Variants in KIF5A observed in about 807,000 individuals in gnomAD.
KIF5A encodes kinesin heavy chain isoform 5A.
A neutral mutation model predicts 141.3 loss-of-function variants in KIF5A; 35 were observed. The ratio of observed to expected loss-of-function variants is 0.25; its 90% CI spans 0.19 to 0.33. The LOEUF (loss-of-function observed/expected upper bound fraction) is 0.33. Ranked by LOEUF, KIF5A falls within the 10% of genes least tolerant of loss-of-function variation. The pLI, the probability that KIF5A is intolerant of heterozygous loss-of-function variation, is 1.00. For missense variants in KIF5A, 861 were observed against 1,314.3 expected (o/e 0.66, Z 5.33); for synonymous variants, 448 against 500.2 (o/e 0.90, Z 1.39).
intron 1 of KIF5A, among the ~76,000 whole-genome samples, chr12:57,553,003 C>T (rs1303871690): frequency 3.3e-5 from 5 of 152,094 alleles, no homozygotes; most frequent in African/African-American, 9.7e-5. Context: ...TTCCAGGAAC[C>T]TGGGGGATGG....
chr12:57,565,948 T>A (rs564264635), intron 6 of KIF5A, among the ~76,000 whole-genome samples: 95 of 148,728 alleles, frequency 6.4e-4, no homozygotes, highest in South Asian at 2.8e-3. Context: ...AAAAAAAAAA[T>A]TTTTGTCAGG....
At chr12:57,576,403 A>C in intron 19 of KIF5A, 25 bp downstream of exon 19, 1 of 1,574,128 alleles carries the variant, frequency 6.4e-7, no homozygotes, top group Admixed American at 1.7e-5. Context: ...GGGCGACTCC[A>C]GCCCCTCCCG....
At chr12:57,582,754 C>T in intron 27 of KIF5A, 125 bp downstream of exon 27, 1 of 816,454 alleles carries the variant, frequency 1.2e-6, no homozygotes, top group South Asian at 1.4e-5. Context: ...GAGACTCATT[C>T]TTTTCATCAC....
chr12:57,569,183 AC>A (rs778960757), intron 9 of KIF5A, 72 bp from the exon 10 acceptor site: 290 of 1,595,078 alleles, frequency 1.8e-4, no homozygotes, highest in Non-Finnish European at 2.3e-4. Context: ...CCGGGGTGGC[AC>A]CACTATCCTT....
At chr12:57,569,138 A>G in intron 9 of KIF5A, 71 bp downstream of exon 9, 1 of 1,548,674 alleles carries the variant, frequency 6.5e-7, no homozygotes, top group African/African-American at 1.4e-5. Flanking sequence ...TAATGCCACC[A>G]TATGATCATG....
intron 1 of KIF5A, among the ~76,000 whole-genome samples, chr12:57,554,307 C>A (rs924080925): frequency 6.6e-6 from 1 of 152,138 alleles, no homozygotes; most frequent in African/African-American, 2.4e-5. Flanking sequence ...ATAATAGTAT[C>A]TATGTCCTAG....
chr12:57,565,110 T>A, intron 6 of KIF5A, 137 bp downstream of exon 6: 1 of 777,180 alleles, frequency 1.3e-6, no homozygotes, highest in Non-Finnish European at 2.2e-6. Context: ...CCAGGGAGAG[T>A]CTAGGGGATC....
chr12:57,579,611 T>C (rs1446475489), intron 23 of KIF5A, among the ~76,000 whole-genome samples: 2 of 152,204 alleles, frequency 1.3e-5, no homozygotes, highest in African/African-American at 2.4e-5. Context: ...TTTCCTTTAT[T>C]ATGAAACTGA....
At chr12:57,582,438 C>T (rs151312193) in intron 26 of KIF5A, among the ~76,000 whole-genome samples, 164 bp from the exon 27 acceptor site, 4 of 152,022 alleles carry the variant, frequency 2.6e-5, no homozygotes, top group South Asian at 4.1e-4. Flanking sequence ...AACTTTTTCT[C>T]GAACAAAATA....
chr12:57,583,189 C>T lies in KIF5A; in HGVS notation c.*10C>T, dbSNP rs779328230. The T allele has an allele frequency of 6.2e-7, 1 of 1,611,864 alleles. No individual in the cohort carries two copies. The highest frequency in any genetic ancestry group is 1.3e-5 in the African/African-American group (1 of 74,884). On this transcript the variant is annotated 3_prime_UTR_variant, in exon 28 of 29. Transcript: ENST00000455537. Reference sequence around the variant, plus strand: ...GACAGCAGCCAGCTAATCTCCCACACCCACGGCTGCATACCTGCACTTTCA... The same window carrying T: ...GACAGCAGCCAGCTAATCTCCCACATCCACGGCTGCATACCTGCACTTTCA...
Position 57,583,226 on chromosome 12 carries a change from G to A in KIF5A, c.*36+11G>A. On this transcript the variant is annotated intron_variant, in intron 28 of 28. Coordinates refer to ENST00000455537, the MANE Select transcript of KIF5A (RefSeq NM_004984.4). Reference sequence around the variant, plus strand: ...TACCTGCACTTTCAGGTAGCGTCAGGCTGCTTCCTCGGACCAGCCTCAGGT... The same window carrying A: ...TACCTGCACTTTCAGGTAGCGTCAGACTGCTTCCTCGGACCAGCCTCAGGT... 1 of 1,543,640 alleles carries A rather than the reference G, an allele frequency of 6.5e-7. No homozygotes were observed. The highest frequency in any genetic ancestry group is 8.9e-7 in the Non-Finnish European group (1 of 1,122,204).
intron 1 of KIF5A, among the ~76,000 whole-genome samples, chr12:57,562,906 C>T (rs953829568): frequency 6.6e-6 from 1 of 152,034 alleles, no homozygotes; most frequent in African/African-American, 2.4e-5. Context: ...GACTAAGATC[C>T]CCTAACACAA....
Position 57,569,532 on chromosome 12 carries a change from C to T in KIF5A, c.969-3C>T. 1 of 1,614,106 alleles carries T rather than the reference C, an allele frequency of 6.2e-7. No individual in the cohort carries two copies. The highest frequency in any genetic ancestry group is 8.5e-7 in the Non-Finnish European group (1 of 1,180,014). ...TTTCTTTGTTCCTCTTCTCCTCACC[C>T]AGGGCAAAGACCATTAAGAACACTG... On this transcript the variant is annotated splice_region_variant and splice_polypyrimidine_tract_variant and intron_variant, in intron 10 of 28. Transcript: ENST00000455537.
chr12:57,557,387 A>G (rs1881778642), intron 1 of KIF5A, among the ~76,000 whole-genome samples: 1 of 152,178 alleles, frequency 6.6e-6, no homozygotes, highest in Non-Finnish European at 1.5e-5. Flanking sequence ...AAATTAAGGT[A>G]GATTTTTCTT....
rs1238659939 is a variant in KIF5A, at chr12:57,576,298, C to T, written c.2118C>T (p.His706=). The T allele has an allele frequency of 1.9e-6, 3 of 1,613,932 alleles. No homozygotes were observed. In the Admixed American group the frequency reaches 5.0e-5, roughly 27 times the overall value. The change falls in exon 19 of 29, where the codon CAC becomes CAT. Residue 706 remains histidine, a synonymous_variant. Transcript: ENST00000455537. ...KKALELQMES[H]REAHHRQLAR... ...CTCTGGAGCTGCAGATGGAGAGTCA[C>T]CGGGAGGCCCATCACCGGCAGCTGG...
intron 28 of KIF5A, 54 bp from the exon 29 acceptor site, chr12:57,584,163 TC>T (rs1329317193): frequency 6.6e-6 from 1 of 152,582 alleles, no homozygotes; most frequent in Non-Finnish European, 1.5e-5. Flanking sequence ...CTGTTCCTGT[TC>T]TGTGACTGAG....
chr12:57,574,942 G>A (rs1594921649), intron 15 of KIF5A, 142 bp from the exon 16 acceptor site: 1 of 730,044 alleles, frequency 1.4e-6, no homozygotes, highest in Non-Finnish European at 2.4e-6. Context: ...CTGATAGAGA[G>A]CTGCTAAAGG....
intron 20 of KIF5A, among the ~76,000 whole-genome samples, chr12:57,577,276 CAGT>C (rs1431250756): frequency 6.6e-6 from 1 of 152,122 alleles, no homozygotes; most frequent in Admixed American, 6.6e-5. Context: ...AATTTTTGCA[CAGT>C]AAACATGAGT....
chr12:57,568,514 T>C (rs1594916241), intron 8 of KIF5A, among the ~76,000 whole-genome samples: 1 of 151,882 alleles, frequency 6.6e-6, no homozygotes, highest in African/African-American at 2.4e-5. Context: ...TCACCTGAGG[T>C]CGGGAGTTCG....
Sources: gnomAD v4.1 joint callset for allele counts (sites outside exome capture counted in the v4.1 genomes callset) on GRCh38, gnomAD v4.1.1 for gene constraint, MANE v1.5 for transcripts, NCBI Gene and HGNC (gene_info 2026-07-23, HGNC 2026-07-21) for gene names.